Variants in CNTNAP5 observed in about 807,000 individuals in gnomAD.
The protein encoded by CNTNAP5 is contactin associated protein family member 5, also known as contactin-associated protein-like 5.
CNTNAP5 carries 72 observed loss-of-function variants against 150.2 expected under a neutral mutation model. The observed-to-expected ratio is 0.48, with a 90% CI of 0.40 to 0.58. The LOEUF (loss-of-function observed/expected upper bound fraction) is 0.58. Ranked by LOEUF, CNTNAP5 falls within the 20% of genes least tolerant of loss-of-function variation. The pLI, the probability that CNTNAP5 is intolerant of heterozygous loss-of-function variation, is 0.00. For missense variants in CNTNAP5, 1,636 were observed against 1,626.2 expected (o/e 1.01, Z -0.10); for synonymous variants, 672 against 619.8 (o/e 1.08, Z -1.25).
At chr2:124,637,593 A>G (rs941441843) in intron 12 of CNTNAP5, among the ~76,000 whole-genome samples, 1 of 152,180 alleles carries the variant, frequency 6.6e-6, no homozygotes, top group Non-Finnish European at 1.5e-5. Flanking sequence ...TGAGCACACT[A>G]TGTGAATGCC....
chr2:124,137,171 T>A (rs1332939897), intron 1 of CNTNAP5, among the ~76,000 whole-genome samples: 1 of 152,156 alleles, frequency 6.6e-6, no homozygotes. Flanking sequence ...ATGGTCTGAC[T>A]GGCTACTGGC....
intron 13 of CNTNAP5, among the ~76,000 whole-genome samples, chr2:124,669,537 C>T (rs985860773): frequency 2.6e-5 from 4 of 152,230 alleles, no homozygotes; most frequent in African/African-American, 9.6e-5. Context: ...TCTTGGATTG[C>T]CATTCAGTCA....
At chr2:124,804,508 T>A (rs1408367528) in intron 19 of CNTNAP5, among the ~76,000 whole-genome samples, 1 of 152,188 alleles carries the variant, frequency 6.6e-6, no homozygotes, top group African/African-American at 2.4e-5. Context: ...TAGCTGTATT[T>A]GGAGTAACAG....
At chr2:124,181,821 G>A (rs186775409) in intron 1 of CNTNAP5, among the ~76,000 whole-genome samples, 22 of 152,234 alleles carry the variant, frequency 1.4e-4, no homozygotes, top group Admixed American at 1.1e-3. Flanking sequence ...TTATAAGATG[G>A]TATCATTTGT....
intron 7 of CNTNAP5, among the ~76,000 whole-genome samples, chr2:124,482,061 A>AGCCC (rs1486500185): frequency 1.3e-5 from 2 of 152,208 alleles, no homozygotes; most frequent in African/African-American, 4.8e-5. Flanking sequence ...GCTATGTAAA[A>AGCCC]GTTGAAACGA....
At chr2:124,336,597 T>A (rs1689476543) in intron 3 of CNTNAP5, among the ~76,000 whole-genome samples, 1 of 143,760 alleles carries the variant, frequency 7.0e-6, no homozygotes, top group Non-Finnish European at 1.5e-5. Context: ...ATTGCTCAGT[T>A]CCCGCCTATG....
At chr2:124,837,771 AG>A (rs770117389) in intron 19 of CNTNAP5, among the ~76,000 whole-genome samples, 2 of 152,164 alleles carry the variant, frequency 1.3e-5, no homozygotes, top group Non-Finnish European at 2.9e-5. Flanking sequence ...TTCACTAGGC[AG>A]AAATTTGAAC....
At chr2:124,740,122 A>T (rs560748903) in intron 13 of CNTNAP5, among the ~76,000 whole-genome samples, 1 of 149,948 alleles carries the variant, frequency 6.7e-6, no homozygotes, top group East Asian at 1.9e-4. Context: ...AATTTTATAC[A>T]ATATGAATAT....
Position 124,374,641 on chromosome 2 carries a change from ATGC to A in CNTNAP5, c.382-42800_382-42798del, listed in dbSNP as rs748099192. Reference sequence around the variant, plus strand: ...GATCTGTGAGTGCCTAGCAGGCGACATGCTCATCACTACAAGTTAGTAAGAGGA... The same window carrying A: ...GATCTGTGAGTGCCTAGCAGGCGACATCATCACTACAAGTTAGTAAGAGGA... On this transcript the variant is annotated intron_variant, in intron 3 of 23. Transcript: ENST00000682447. Among the ~76,000 whole-genome samples, 5 of 152,310 alleles carry A rather than the reference ATGC, an allele frequency of 3.3e-5. No individual in the cohort carries two copies. The South Asian group carries it at 6.2e-4, about 19-fold the overall frequency.
At chr2:124,896,480 G>T (rs1678307037) in intron 21 of CNTNAP5, among the ~76,000 whole-genome samples, 4 of 151,608 alleles carry the variant, frequency 2.6e-5, no homozygotes, top group African/African-American at 9.8e-5. Context: ...CAGACAAAAT[G>T]GCAAAGCAAA....
intron 12 of CNTNAP5, among the ~76,000 whole-genome samples, chr2:124,644,044 T>C (rs1435503575): frequency 1.3e-5 from 2 of 152,240 alleles, no homozygotes; most frequent in Non-Finnish European, 2.9e-5. Flanking sequence ...ACCTCCACTG[T>C]CCAACTAACT....
chr2:124,070,015 A>G (rs1682260572), intron 1 of CNTNAP5, among the ~76,000 whole-genome samples: 1 of 152,170 alleles, frequency 6.6e-6, no homozygotes, highest in African/African-American at 2.4e-5. Context: ...AGATATAAAG[A>G]GAAACAATAA....
At chr2:124,397,072 G>C (rs74525676) in intron 3 of CNTNAP5, among the ~76,000 whole-genome samples, 1 of 152,190 alleles carries the variant, frequency 6.6e-6, no homozygotes, top group African/African-American at 2.4e-5. Context: ...AGGCATTTCT[G>C]TGTGGAAGAA....
chr2:124,026,904 A>G (rs1247361679), intron 1 of CNTNAP5, among the ~76,000 whole-genome samples: 1 of 152,194 alleles, frequency 6.6e-6, no homozygotes, highest in Non-Finnish European at 1.5e-5. Flanking sequence ...TTATCCCCGG[A>G]GTTATGTCTC....
At chr2:124,843,777 A>T (rs767177851) in intron 19 of CNTNAP5, among the ~76,000 whole-genome samples, 1 of 152,038 alleles carries the variant, frequency 6.6e-6, no homozygotes, top group Non-Finnish European at 1.5e-5. Flanking sequence ...GTAGTTTTCT[A>T]TATGCTTTTT....
At position 124,563,237 on chromosome 2, in the gene CNTNAP5, A is replaced by C; in HGVS notation, c.1670A>C (p.Glu557Ala). The change falls in exon 11 of 24, where the codon GAA becomes GCA. Residue 557 changes from glutamate to alanine, a missense_variant. Glu to Ala is a moderately radical substitution (Grantham distance 107). Transcript: ENST00000682447. ...IKDRCLPNYC[E>A]HGGSCSQSWT... ...ATTAGGTGTTTGCCAAACTACTGTG[A>C]ACATGGAGGAAGCTGCTCCCAGTCC... The C allele has an allele frequency of 6.3e-7, 1 of 1,593,496 alleles. No homozygotes were observed. The highest frequency in any genetic ancestry group is 1.1e-5 in the South Asian group (1 of 87,394).
At chr2:124,673,709 G>A (rs531883951) in intron 13 of CNTNAP5, among the ~76,000 whole-genome samples, 1 of 150,260 alleles carries the variant, frequency 6.7e-6, no homozygotes, top group African/African-American at 2.4e-5. Context: ...TGATTTTATA[G>A]AGAAGCATCT....
chr2:124,361,632 G>T (rs1255543208), intron 3 of CNTNAP5, among the ~76,000 whole-genome samples: 4 of 139,072 alleles, frequency 2.9e-5, no homozygotes, highest in Admixed American at 7.0e-5. Context: ...GGGGTCAGGG[G>T]TCAGGGACCC....
intron 17 of CNTNAP5, among the ~76,000 whole-genome samples, chr2:124,786,352 G>GAAGAAAGAAAGAAAGAAAGAAAGA (rs1207108942): frequency 1.7e-5 from 1 of 59,156 alleles, no homozygotes; most frequent in Non-Finnish European, 3.2e-5. Context: ...AGAAAGAAAG[G>GAAGAAAGAAAGAAAGAAAGAAAGA]AAGAAAGAAA....
Sources: gnomAD v4.1 joint callset for allele counts (sites outside exome capture counted in the v4.1 genomes callset) on GRCh38, gnomAD v4.1.1 for gene constraint, MANE v1.5 for transcripts, NCBI Gene and HGNC (gene_info 2026-07-23, HGNC 2026-07-21) for gene names.